The following CTXND1 variants were observed in gnomAD, a reference collection of about 807,000 sequenced individuals.
CTXND1 encodes cortexin domain containing 1.
intron 1 of CTXND1, among the ~76,000 whole-genome samples, chr15:80,238,954 G>A (rs1471600929): frequency 2.6e-5 from 4 of 152,168 alleles, no homozygotes; most frequent in African/African-American, 7.2e-5. Flanking sequence ...ACATAAGAAC[G>A]ACATCCCCTA....
At chr15:80,223,931 C>G (rs1456152920) in intron 1 of CTXND1, among the ~76,000 whole-genome samples, 1 of 152,098 alleles carries the variant, frequency 6.6e-6, no homozygotes, top group Non-Finnish European at 1.5e-5. Context: ...CCCCATTGAG[C>G]CTGGGTAGGC....
At chr15:80,225,961 A>G (rs1893367084) in intron 1 of CTXND1, among the ~76,000 whole-genome samples, 1 of 152,082 alleles carries the variant, frequency 6.6e-6, no homozygotes, top group South Asian at 2.1e-4. Flanking sequence ...TTTATACCCT[A>G]GCTATCTTTT....
At chr15:80,207,693 A>G (rs1893164662) in intron 1 of CTXND1, among the ~76,000 whole-genome samples, 1 of 152,154 alleles carries the variant, frequency 6.6e-6, no homozygotes, top group African/African-American at 2.4e-5. Context: ...AGGATTCACC[A>G]TTTTCTCTGG....
At chr15:80,218,336 C>T (rs1217277171) in intron 1 of CTXND1, among the ~76,000 whole-genome samples, 2 of 152,108 alleles carry the variant, frequency 1.3e-5, no homozygotes, top group African/African-American at 2.4e-5. Context: ...AGTGGAGTCT[C>T]GCTATGTTGC....
At position 80,252,008 on chromosome 15, in the gene CTXND1, T is replaced by C. The variant is rs1893702477; in HGVS notation, c.-219A>G. The C allele has an allele frequency of 6.6e-6, 1 of 151,632 alleles. No individual in the cohort carries two copies. The highest frequency in any genetic ancestry group is 1.5e-5 in the Non-Finnish European group (1 of 67,858). 9.4% of individuals were successfully genotyped at this position (151,632 alleles called of 1,614,324 possible). On this transcript the variant is annotated splice_region_variant and 5_prime_UTR_variant, in exon 1 of 3. Coordinates refer to ENST00000560778, the MANE Select transcript of CTXND1 (RefSeq NM_001352888.2). ...CCGGGATGCTCCCGCGGTCCTTACCTGGCGAGGCCCGTCCCGTGCGCTCCC... is the reference window on the plus strand; with the variant it reads ...CCGGGATGCTCCCGCGGTCCTTACCCGGCGAGGCCCGTCCCGTGCGCTCCC...
chr15:80,239,961 A>G (rs1051198576), intron 1 of CTXND1, among the ~76,000 whole-genome samples: 2 of 152,016 alleles, frequency 1.3e-5, no homozygotes, highest in Non-Finnish European at 2.9e-5. Context: ...ATAATTTTGT[A>G]TTACTTTATT....
intron 1 of CTXND1, among the ~76,000 whole-genome samples, chr15:80,238,347 C>T (rs1399361340): frequency 6.6e-6 from 1 of 152,074 alleles, no homozygotes; most frequent in African/African-American, 2.4e-5. Context: ...TAACTTTGTG[C>T]TATAATTGTG....
rs2041440957 is a variant in CTXND1, at chr15:80,200,085, G to A, written c.*1685C>T. ...CAGGTGCTGGGAAAGGCTGCTGTGA[G>A]TGTTCCTCTGACCAAGTGGTTCCGG... On this transcript the variant is annotated 3_prime_UTR_variant, in exon 3 of 3. Coordinates refer to ENST00000560778, the MANE Select transcript of CTXND1 (RefSeq NM_001352888.2). The A allele has an allele frequency of 1.3e-5, 2 of 152,420 alleles. No individual in the cohort carries two copies. Among genetic ancestry groups the A allele is most frequent in the Non-Finnish European group, 2.9e-5 (2 of 68,122 alleles). The allele number at this position is 152,420 out of a possible 1,614,324, so 9.4% of individuals were successfully genotyped here.
rs564164887 is a variant in CTXND1, at chr15:80,239,170, T to C, written c.-218+12837A>G. ...TGGAGGCTCTGCCGTCTGAAGCCCT[T>C]CCCACCAGCTCTGGCTTTCCAGGCC... On this transcript the variant is annotated intron_variant, in intron 1 of 2. Transcript: ENST00000560778. 5.3e-5 allele frequency among the ~76,000 whole-genome samples: 8 copies of C among 152,260 alleles called. No individual in the cohort carries two copies. The South Asian group carries it at 1.7e-3, about 32-fold the overall frequency.
rs1203952860 is a variant in CTXND1 at position 80,196,872 on chromosome 15, C to T, written c.*4898G>A. Reference sequence around the variant, plus strand: ...GCAAGAGGTCAAGGTATTTATTCCCCCAGCTCTCTTCCTACTGAGCTGCAG... The same window carrying T: ...GCAAGAGGTCAAGGTATTTATTCCCTCAGCTCTCTTCCTACTGAGCTGCAG... On this transcript the variant is annotated 3_prime_UTR_variant, in exon 3 of 3. Coordinates refer to ENST00000560778, the MANE Select transcript of CTXND1 (RefSeq NM_001352888.2). 1.3e-5 allele frequency: 2 copies of T among 152,138 alleles called. No individual in the cohort carries two copies. The highest frequency in any genetic ancestry group is 2.9e-5 in the Non-Finnish European group (2 of 68,068). 9.4% of individuals were successfully genotyped at this position (152,138 alleles called of 1,614,324 possible). A position where few individuals can be genotyped will look rare whatever the true frequency, so the allele number is the denominator to read the frequency against.
chr15:80,246,745 T>C (rs900480858), intron 1 of CTXND1, among the ~76,000 whole-genome samples: 2 of 152,228 alleles, frequency 1.3e-5, no homozygotes, highest in African/African-American at 2.4e-5. Context: ...TGCCTAATAA[T>C]CTCTCATAGA....
chr15:80,197,315 C>CTGAT lies in CTXND1; in HGVS notation c.*4454_*4455insATCA, dbSNP rs2041425260. 1 of 152,164 alleles carries CTGAT rather than the reference C, an allele frequency of 6.6e-6. No individual in the cohort carries two copies. The highest frequency in any genetic ancestry group is 1.5e-5 in the Non-Finnish European group (1 of 68,044). 9.4% of individuals were successfully genotyped at this position (152,164 alleles called of 1,614,324 possible). The stretch of plus-strand genomic sequence containing the variant: ...AAACTCCTGGGCTCAAGCAATCTGC[C>CTGAT]TGTGTTGGCCTCCCAAAGTGCTGAG... On this transcript the variant is annotated 3_prime_UTR_variant, in exon 3 of 3. Coordinates refer to ENST00000560778, the MANE Select transcript of CTXND1 (RefSeq NM_001352888.2).
At chr15:80,240,765 A>G (rs1274781963) in intron 1 of CTXND1, among the ~76,000 whole-genome samples, 1 of 152,242 alleles carries the variant, frequency 6.6e-6, no homozygotes, top group African/African-American at 2.4e-5. Flanking sequence ...CATTCAAGGG[A>G]AGATAAATCC....
chr15:80,237,336 G>GAAAAAAAAAAAAAAAAAA (rs201997173), intron 1 of CTXND1, among the ~76,000 whole-genome samples: 1 of 101,574 alleles, frequency 9.8e-6, no homozygotes, highest in Non-Finnish European at 2.0e-5. Flanking sequence ...CAGTGTCTCA[G>GAAAAAAAAAAAAAAAAAA]AAAAAAAAAA....
intron 1 of CTXND1, among the ~76,000 whole-genome samples, chr15:80,245,774 C>T (rs1331258487): frequency 2.6e-5 from 4 of 152,182 alleles, no homozygotes; most frequent in African/African-American, 9.7e-5. Context: ...CACCTGCCTA[C>T]CTCTGCTGCC....
At chr15:80,224,745 T>C (rs1384603279) in intron 1 of CTXND1, among the ~76,000 whole-genome samples, 1 of 152,190 alleles carries the variant, frequency 6.6e-6, no homozygotes, top group Non-Finnish European at 1.5e-5. Context: ...GTAGTGTTTT[T>C]TGAGTAGTTT....
chr15:80,235,246 G>A (rs1893481480), intron 1 of CTXND1, among the ~76,000 whole-genome samples: 1 of 152,208 alleles, frequency 6.6e-6, no homozygotes, highest in Admixed American at 6.5e-5. Flanking sequence ...ACCCTTAGGG[G>A]CTGGCAGGAC....
At chr15:80,229,469 C>G (rs968488023) in intron 1 of CTXND1, among the ~76,000 whole-genome samples, 40 of 152,264 alleles carry the variant, frequency 2.6e-4, no homozygotes, top group Middle Eastern at 3.4e-3. Flanking sequence ...GAGTGCTGAC[C>G]AGGCAAACTA....
intron 1 of CTXND1, among the ~76,000 whole-genome samples, chr15:80,229,653 T>C (rs1277959603): frequency 1.3e-5 from 2 of 152,228 alleles, no homozygotes; most frequent in South Asian, 2.1e-4. Flanking sequence ...ATATCCTTTG[T>C]TCCTACGGTA....
Sources: allele counts gnomAD v4.1 joint callset (sites outside exome capture counted in the v4.1 genomes callset), GRCh38; gene constraint gnomAD v4.1.1; transcripts MANE v1.5; gene names NCBI Gene and HGNC (gene_info 2026-07-23, HGNC 2026-07-21).